Variants in CDYL2 observed in about 807,000 individuals in gnomAD.
CDYL2 encodes chromodomain Y like 2.
A neutral mutation model predicts 49.4 loss-of-function variants in CDYL2; 23 were observed. The ratio of observed to expected loss-of-function variants is 0.47; its 90% CI spans 0.34 to 0.66. The LOEUF (loss-of-function observed/expected upper bound fraction) is 0.66, where lower values mean the gene tolerates loss of function less well. Among genes scored for constraint, CDYL2 ranks in the 30% least tolerant of loss-of-function variants. The pLI is 0.01. For missense variants in CDYL2, 678 were observed against 656.4 expected (o/e 1.03, Z -0.36); for synonymous variants, 360 against 268.8 (o/e 1.34, Z -3.32).
chr16:80,639,868 C>G (rs1363900783), intron 2 of CDYL2: 2 of 364,590 alleles, frequency 5.5e-6, no homozygotes, highest in Non-Finnish European at 1.1e-5. Flanking sequence ...TAGCAGAAAG[C>G]AAAAGCATAC....
Position 80,612,804 on chromosome 16 carries a change from T to C in CDYL2, c.1040A>G (p.Lys347Arg). The change falls in exon 5 of 7, where the codon AAG becomes AGG. Residue 347 changes from lysine to arginine, a missense_variant. By Grantham distance (26) the Lys-to-Arg change is conservative. Around this residue, in one of 3 missense-constraint regions of CDYL2, gnomAD observed 47 missense variants for 78.8 expected, o/e 0.60. Coordinates refer to ENST00000570137, the MANE Select transcript of CDYL2 (RefSeq NM_152342.4). The surrounding 1 kb of genome is among the most constrained non-coding windows in gnomAD (Gnocchi z 5.0). ...DFVKAFIQFK[K>R]PIVVAINGPA... Reference sequence around the variant, plus strand: ...CCCATTGATGGCCACCACGATAGGCTTCTTAAACTGGATAAAGGCCTTCAC... The same window carrying C: ...CCCATTGATGGCCACCACGATAGGCCTCTTAAACTGGATAAAGGCCTTCAC... The C allele has an allele frequency of 6.2e-7, 1 of 1,613,648 alleles. No homozygotes were observed. The highest frequency in any genetic ancestry group is 8.5e-7 in the Non-Finnish European group (1 of 1,179,856).
At chr16:80,607,068 G>C (rs7195620) in intron 6 of CDYL2, among the ~76,000 whole-genome samples, 2 of 152,032 alleles carry the variant, frequency 1.3e-5, no homozygotes, top group African/African-American at 4.8e-5. Context: ...GACAAGGTGG[G>C]GCAAATTGGT....
chr16:80,762,182 C>CA, intron 1 of CDYL2, among the ~76,000 whole-genome samples: 2 of 151,796 alleles, frequency 1.3e-5, no homozygotes, highest in Non-Finnish European at 2.9e-5. Flanking sequence ...AGACTTGTCT[C>CA]AAAAATAAAT....
rs778834716 is a variant in CDYL2 at position 80,603,285 on chromosome 16, C to G, written c.*1103G>C. 2.6e-5 allele frequency: 4 copies of G among 152,140 alleles called. No individual in the cohort carries two copies. Among genetic ancestry groups the G allele is most frequent in the Non-Finnish European group, 4.4e-5 (3 of 68,022 alleles). The allele number at this position is 152,140 out of a possible 1,614,324, so 9.4% of individuals were successfully genotyped here. A position where few individuals can be genotyped will look rare whatever the true frequency, so the allele number is the denominator to read the frequency against. On this transcript the variant is annotated 3_prime_UTR_variant, in exon 7 of 7. Transcript: ENST00000570137. ...CTTATTCTAGACAGTATGCTATTCT[C>G]AGGTAGGGCCTATCCCCACTCCTGC...
intron 3 of CDYL2, among the ~76,000 whole-genome samples, chr16:80,628,577 T>C (rs7206878): frequency 0.11 from 17,033 of 152,234 alleles, 3,050 homozygotes; most frequent in African/African-American, 0.38. Flanking sequence ...GCTGGAAGCA[T>C]CTGGCTGAGC....
chr16:80,688,073 C>A (rs1390150736), intron 1 of CDYL2, among the ~76,000 whole-genome samples: 1 of 152,166 alleles, frequency 6.6e-6, no homozygotes, highest in African/African-American at 2.4e-5. Context: ...TGAAGGTTAG[C>A]AAGGGTGCAG....
intron 1 of CDYL2, among the ~76,000 whole-genome samples, chr16:80,716,443 T>C (rs1014125424): frequency 1.3e-5 from 2 of 151,712 alleles, no homozygotes; most frequent in African/African-American, 4.8e-5. Context: ...GGTCGATGGA[T>C]GGATGCATGG....
intron 3 of CDYL2, chr16:80,632,631 G>C (rs1034063075): frequency 2.1e-5 from 5 of 240,390 alleles, no homozygotes; most frequent in Non-Finnish European, 4.2e-5. Context: ...TATAAACTGA[G>C]TGAGATACAT....
chr16:80,702,056 G>C (rs1377111221), intron 1 of CDYL2, among the ~76,000 whole-genome samples: 1 of 152,138 alleles, frequency 6.6e-6, no homozygotes, highest in African/African-American at 2.4e-5. Flanking sequence ...TATTGCATAA[G>C]TGGGATTGGG....
At chr16:80,710,797 A>C (rs553090805) in intron 1 of CDYL2, among the ~76,000 whole-genome samples, 2 of 152,362 alleles carry the variant, frequency 1.3e-5, no homozygotes, top group South Asian at 4.1e-4. Context: ...TTAAAAGCTA[A>C]GTCACCAAGA....
intron 1 of CDYL2, among the ~76,000 whole-genome samples, chr16:80,720,257 G>A (rs1469199675): frequency 6.6e-6 from 1 of 152,108 alleles, no homozygotes; most frequent in Non-Finnish European, 1.5e-5. Flanking sequence ...ATTCCGTGCT[G>A]AATCCTGGAA....
At chr16:80,680,563 C>A (rs375457430) in intron 2 of CDYL2, among the ~76,000 whole-genome samples, 3 of 152,270 alleles carry the variant, frequency 2.0e-5, no homozygotes, top group South Asian at 2.1e-4. Flanking sequence ...CAAGGGTTAG[C>A]AAACCCACCA....
At chr16:80,621,022 AC>A (rs1485828356) in intron 3 of CDYL2, 87 bp from the exon 4 acceptor site, 54 of 1,393,264 alleles carry the variant, frequency 3.9e-5, no homozygotes, top group Non-Finnish European at 3.0e-5. Context: ...CAGAGGCCTG[AC>A]CCCCTGAGGG....
At chr16:80,666,497 G>A (rs1276861480) in intron 2 of CDYL2, among the ~76,000 whole-genome samples, 1 of 152,178 alleles carries the variant, frequency 6.6e-6, no homozygotes, top group Admixed American at 6.5e-5. Flanking sequence ...GAGGGAGCCT[G>A]GCGCTTTATT....
intron 1 of CDYL2, among the ~76,000 whole-genome samples, chr16:80,718,744 C>A (rs1376070394): frequency 6.6e-6 from 1 of 152,122 alleles, no homozygotes; most frequent in Non-Finnish European, 1.5e-5. Flanking sequence ...GATGGAGAAC[C>A]CAGAACAATG....
At chr16:80,717,312 G>A (rs1037060660) in intron 1 of CDYL2, among the ~76,000 whole-genome samples, 1 of 152,148 alleles carries the variant, frequency 6.6e-6, no homozygotes, top group Non-Finnish European at 1.5e-5. Context: ...CCTCTATGAC[G>A]ATCTTGAATT....
intron 2 of CDYL2, among the ~76,000 whole-genome samples, chr16:80,657,695 G>C (rs1364077477): frequency 2.0e-5 from 3 of 152,050 alleles, no homozygotes; most frequent in African/African-American, 7.2e-5. Flanking sequence ...TCTTCATTGT[G>C]GGGGAGATAC....
intron 1 of CDYL2, among the ~76,000 whole-genome samples, chr16:80,720,227 C>T (rs1904952748): frequency 6.6e-6 from 1 of 152,174 alleles, no homozygotes; most frequent in Non-Finnish European, 1.5e-5. Context: ...CATGACTCCC[C>T]TCTCTGTGGA....
intron 1 of CDYL2, among the ~76,000 whole-genome samples, chr16:80,712,213 A>ATATATATATATATATC (rs1567581146): frequency 1.9e-5 from 2 of 107,468 alleles, no homozygotes; most frequent in African/African-American, 2.7e-5. Context: ...ATATATATAT[A>ATATATATATATATATC]TATCTCCAAA....
Sources: allele counts gnomAD v4.1 joint callset (sites outside exome capture counted in the v4.1 genomes callset), GRCh38; gene constraint gnomAD v4.1.1; regional missense constraint gnomAD v4.1.1; non-coding constraint Gnocchi (gnomAD v3.1); transcripts MANE v1.5; gene names NCBI Gene and HGNC (gene_info 2026-07-23, HGNC 2026-07-21).